SPG11: variants seen among roughly 807,000 people sequenced by gnomAD.
The protein encoded by SPG11 is SPG11 vesicle trafficking associated, spatacsin.
A neutral mutation model predicts 274.0 loss-of-function variants in SPG11; 222 were observed. The observed-to-expected ratio is 0.81, with a 90% confidence interval of 0.73 to 0.91. SPG11 has a LOEUF of 0.91. Among genes scored for constraint, SPG11 ranks in the 40% least tolerant of loss-of-function variants. The pLI, the probability that SPG11 is intolerant of heterozygous loss-of-function variation, is 0.00. For synonymous variants in SPG11, 1,144 were observed against 1,039.7 expected, an observed-to-expected ratio of 1.10 and a Z score of -1.93; for missense variants, 3,114 against 2,872.7, an observed-to-expected ratio of 1.08 and a Z score of -1.92.
intron 32 of SPG11, 163 bp downstream of exon 32, chr15:44,573,384 A>T (rs1442696736): frequency 1.4e-6 from 1 of 732,620 alleles, no homozygotes; most frequent in Non-Finnish European, 2.4e-6. Flanking sequence ...TTTGTAAAAA[A>T]TAAAGCATGT....
intron 18 of SPG11, among the ~76,000 whole-genome samples, chr15:44,610,527 C>T (rs117447255): frequency 4.6e-5 from 7 of 152,122 alleles, no homozygotes; most frequent in Non-Finnish European, 1.0e-4. Flanking sequence ...GGATTACAGG[C>T]GTGCGCCAAG....
At chr15:44,570,251 C>G (rs2082393406) in intron 34 of SPG11, among the ~76,000 whole-genome samples, 1 of 152,182 alleles carries the variant, frequency 6.6e-6, no homozygotes, top group African/African-American at 2.4e-5. Flanking sequence ...AGCCCTCTAT[C>G]TAGAAAAGTT....
intron 35 of SPG11, among the ~76,000 whole-genome samples, chr15:44,568,740 A>G (rs2082356919): frequency 6.6e-6 from 1 of 152,200 alleles, no homozygotes; most frequent in Non-Finnish European, 1.5e-5. Context: ...CCACTCTAAA[A>G]GCCCTCAAAC....
chr15:44,619,323 C>A (rs1206190764), intron 15 of SPG11, among the ~76,000 whole-genome samples: 4 of 152,130 alleles, frequency 2.6e-5, no homozygotes, highest in Admixed American at 2.6e-4. Flanking sequence ...ACTATTTCAA[C>A]AGGTTAGAAA....
chr15:44,643,771 C>T (rs2084526012), intron 7 of SPG11, among the ~76,000 whole-genome samples: 1 of 151,962 alleles, frequency 6.6e-6, no homozygotes, highest in South Asian at 2.1e-4. Context: ...AACTCCTCCC[C>T]AACTCATTCT....
intron 30 of SPG11, among the ~76,000 whole-genome samples, chr15:44,583,175 G>C (rs1024683184): frequency 2.6e-5 from 4 of 152,130 alleles, no homozygotes; most frequent in African/African-American, 4.8e-5. Flanking sequence ...TCATATAAAG[G>C]TAACATAAAA....
chr15:44,621,503 C>T (rs112684341), intron 14 of SPG11: 8 of 445,790 alleles, frequency 1.8e-5, no homozygotes, highest in African/African-American at 1.2e-4. Flanking sequence ...AACAGATTGT[C>T]ACTTTGAAGC....
intron 31 of SPG11, 87 bp from the exon 32 acceptor site, chr15:44,573,832 C>G: frequency 8.1e-7 from 1 of 1,239,510 alleles, no homozygotes; most frequent in Non-Finnish European, 1.2e-6. Flanking sequence ...TGTGGACAGA[C>G]TCCACTGTAT....
At chr15:44,635,830 T>C (rs990520366) in intron 7 of SPG11, among the ~76,000 whole-genome samples, 1 of 151,614 alleles carries the variant, frequency 6.6e-6, no homozygotes, top group African/African-American at 2.4e-5. Flanking sequence ...GACAGGAGAA[T>C]TGCTTGAACC....
chr15:44,613,485 T>C lies in SPG11; in HGVS notation c.3090A>G (p.Ala1030=). ...GAACTAAAAATTCAAACCAAGGGTG[T>C]GCTTCATGTAACTCTTTTTTTTCCA... ...PFLEKKELHE[A]HPWFEFLVQC... The change falls in exon 17 of 40, where the codon GCA becomes GCG. Residue 1030 remains alanine, a synonymous_variant. Coordinates refer to ENST00000261866, the MANE Select transcript of SPG11 (RefSeq NM_025137.4). The C allele has an allele frequency of 6.2e-7, 1 of 1,614,044 alleles. No homozygotes were observed. The highest frequency in any genetic ancestry group is 8.5e-7 in the Non-Finnish European group (1 of 1,179,944).
At chr15:44,586,776 GTCTC>G (rs890026107) in intron 28 of SPG11, among the ~76,000 whole-genome samples, 1 of 152,192 alleles carries the variant, frequency 6.6e-6, no homozygotes, top group Non-Finnish European at 1.5e-5. Flanking sequence ...ATTCAGACTG[GTCTC>G]TCTCTTTCTG....
At chr15:44,614,542 C>T (rs1213961941) in intron 16 of SPG11, among the ~76,000 whole-genome samples, 1 of 152,172 alleles carries the variant, frequency 6.6e-6, no homozygotes, top group African/African-American at 2.4e-5. Context: ...GTCTTTACTA[C>T]ACAAAATAAG....
Position 44,620,317 on chromosome 15 carries a change from A to T in SPG11, c.2707T>A (p.Phe903Ile). ...GAAGCATAACTATGCTGGGTTTGAA[A>T]TTCTCCAATCCATAAGATAATGTTT... ...WLNIILWIGE[F>I]QTQHSYASLQ... The change falls in exon 15 of 40, where the codon TTT becomes ATT. Residue 903 changes from phenylalanine (F) to isoleucine (I), a missense_variant. Phe to Ile is a conservative substitution (Grantham distance 21). Coordinates refer to ENST00000261866, the MANE Select transcript of SPG11 (RefSeq NM_025137.4). The T allele has an allele frequency of 6.2e-7, 1 of 1,614,094 alleles. No homozygotes were observed. The highest frequency in any genetic ancestry group is 2.2e-5 in the East Asian group (1 of 44,868).
chr15:44,655,205 AC>A (rs1232812321), intron 4 of SPG11, among the ~76,000 whole-genome samples: 1 of 152,182 alleles, frequency 6.6e-6, no homozygotes, highest in African/African-American at 2.4e-5. Flanking sequence ...GAGTTGGAGG[AC>A]TGCTTGGGCC....
Position 44,584,058 on chromosome 15 carries a change from C to A in SPG11, c.5622G>T (p.Glu1874Asp). ...ETCENRLDWKEQESLNFLIGR... is the reference protein window; with the variant it reads ...ETCENRLDWKDQESLNFLIGR... ...CAATCAAAAAGTTTAGTGACTCCTG[C>A]TCTTTCCAATCCAATCTATTCTCGC... Residue 1874 changes from glutamate to aspartate, a missense_variant, in exon 30 of 40, where the codon GAG (glutamate) becomes GAT (aspartate). Glu to Asp is a conservative substitution (Grantham distance 45). Transcript: ENST00000261866. 6.2e-6 allele frequency: 10 copies of A among 1,614,246 alleles called. No individual in the cohort carries two copies. The highest frequency in any genetic ancestry group is 8.5e-6 in the Non-Finnish European group (10 of 1,180,038).
chr15:44,648,449 G>GT lies in SPG11; in HGVS notation c.1602+416dup, dbSNP rs548660757. The stretch of plus-strand genomic sequence containing the variant: ...AATTGCTTGAACCTGGGAGGCGGAG[G>GT]TTGCAGTGAGCTGAGATTGCACCAC... On this transcript the variant is annotated intron_variant, in intron 7 of 39. Transcript: ENST00000261866. Among the ~76,000 whole-genome samples, 23 of 151,016 alleles carry GT rather than the reference G, an allele frequency of 1.5e-4. No homozygotes were observed. In the South Asian group the frequency reaches 4.6e-3, roughly 30 times the overall value.
At chr15:44,581,147 A>G (rs2082651636) in intron 30 of SPG11, among the ~76,000 whole-genome samples, 1 of 152,180 alleles carries the variant, frequency 6.6e-6, no homozygotes, top group African/African-American at 2.4e-5. Context: ...TTTTCATCAG[A>G]CACCATGGAG....
intron 7 of SPG11, among the ~76,000 whole-genome samples, chr15:44,643,062 T>TATGTAGGAGGTAA (rs1342141612): frequency 1.3e-4 from 20 of 152,176 alleles, no homozygotes; most frequent in African/African-American, 4.6e-4. Flanking sequence ...TCATTCATTT[T>TATGTAGGAGGTAA]TATGTAGGAG....
chr15:44,614,911 C>T (rs2083554696), intron 16 of SPG11, among the ~76,000 whole-genome samples: 3 of 152,016 alleles, frequency 2.0e-5, no homozygotes, highest in African/African-American at 7.2e-5. Flanking sequence ...ATGTATTGCT[C>T]TCTCTTTCTC....
Sources: gnomAD v4.1 joint callset for allele counts (sites outside exome capture counted in the v4.1 genomes callset) on GRCh38, gnomAD v4.1.1 for gene constraint, MANE v1.5 for transcripts, NCBI Gene and HGNC (gene_info 2026-07-23, HGNC 2026-07-21) for gene names.